DNAJC5: variants seen among roughly 807,000 people sequenced by gnomAD.
The protein encoded by DNAJC5 is dnaJ homolog subfamily C member 5.
A neutral mutation model predicts 23.2 loss-of-function variants in DNAJC5; 1 was observed. That is an observed-to-expected ratio of 0.04 (90% CI 0.02 to 0.20). The LOEUF (loss-of-function observed/expected upper bound fraction) is 0.20, where lower values mean the gene tolerates loss of function less well. Among genes scored for constraint, DNAJC5 ranks in the 10% least tolerant of loss-of-function variants. DNAJC5 has a pLI of 1.00. For missense variants in DNAJC5, 180 were observed against 267.0 expected, an observed-to-expected ratio of 0.67 and a Z score of 2.27; for synonymous variants, 136 against 120.0, an observed-to-expected ratio of 1.13 and a Z score of -0.87.
At chr20:63,925,560 A>G (rs140917664) in intron 1 of DNAJC5, among the ~76,000 whole-genome samples, 39 of 152,026 alleles carry the variant, frequency 2.6e-4, no homozygotes, top group African/African-American at 8.9e-4. Flanking sequence ...AAGTGTGGCA[A>G]ACAGGAAGGC....
In DNAJC5 at chr20:63,917,564, A is replaced by AT. The variant is rs1326087365; in HGVS notation, c.-11-10762dup. ...CACTGCATCCAGCCTTATTATTATT[A>AT]TTTTTTTTTGAGATGGAGTCTTGCT... is the stretch of plus-strand genomic sequence containing the variant. On this transcript the variant is annotated intron_variant, in intron 1 of 4. Transcript: ENST00000360864. Among the ~76,000 whole-genome samples the AT allele has an allele frequency of 1.2e-4, 16 of 136,926 alleles. No homozygotes were observed. In the Admixed American group the frequency reaches 1.2e-3, roughly 10 times the overall value. 89.8% of individuals were successfully genotyped at this position (136,926 alleles called of 152,430 possible).
At chr20:63,907,859 GGCTT>G (rs2053457490) in intron 1 of DNAJC5, among the ~76,000 whole-genome samples, 1 of 152,112 alleles carries the variant, frequency 6.6e-6, no homozygotes, top group Non-Finnish European at 1.5e-5. Context: ...TCTGCCTCCC[GGCTT>G]CAAGTGATTC....
At chr20:63,896,820 G>A (rs979788376) in intron 1 of DNAJC5, among the ~76,000 whole-genome samples, 1 of 152,144 alleles carries the variant, frequency 6.6e-6, no homozygotes, top group African/African-American at 2.4e-5. Context: ...ACATGATCGG[G>A]GCCCAGTAAA....
chr20:63,921,672 C>T (rs2053574116), intron 1 of DNAJC5, among the ~76,000 whole-genome samples: 1 of 152,130 alleles, frequency 6.6e-6, no homozygotes, highest in South Asian at 2.1e-4. Context: ...CTGATGGCAG[C>T]TCGTCACTTG....
rs115635115 is a variant in DNAJC5, at chr20:63,921,728, C to T, written c.-11-6607C>T. 4.1e-3 allele frequency among the ~76,000 whole-genome samples: 619 copies of T among 152,288 alleles called. 6 individuals carry two copies. The highest frequency in any genetic ancestry group is 0.012 in the African/African-American group (495 of 41,562). ...TGCTCGTGTAGCTGCGGCTGCACAC[C>T]AGGCCTCTCCTTTAACTGTGTTATA... On this transcript the variant is annotated intron_variant, in intron 1 of 4. Transcript: ENST00000360864.
At chr20:63,900,146 C>G (rs1393138153) in intron 1 of DNAJC5, among the ~76,000 whole-genome samples, 1 of 152,010 alleles carries the variant, frequency 6.6e-6, no homozygotes, top group Non-Finnish European at 1.5e-5. Flanking sequence ...ACTTTGGCCT[C>G]CCAAAGTGCT....
rs536658008 is a variant in DNAJC5 at position 63,901,666 on chromosome 20, G to T, written c.-12+6343G>T. On this transcript the variant is annotated intron_variant, in intron 1 of 4. Transcript: ENST00000360864. The stretch of plus-strand genomic sequence containing the variant: ...GCAGAGGGAGTGTGTGGAGTGTGCG[G>T]CCCTGCCTGGCTTTTATTTTGCTCC... Among the ~76,000 whole-genome samples, 6 of 152,350 alleles carry T rather than the reference G, an allele frequency of 3.9e-5. No homozygotes were observed. In the South Asian group the frequency reaches 1.0e-3, roughly 26 times the overall value.
chr20:63,927,393 G>C (rs1337572484), intron 1 of DNAJC5, among the ~76,000 whole-genome samples: 3 of 152,112 alleles, frequency 2.0e-5, no homozygotes, highest in African/African-American at 7.2e-5. Context: ...AAAATTAGCT[G>C]GGTGTGGTGG....
chr20:63,912,077 C>T (rs566335458), intron 1 of DNAJC5, among the ~76,000 whole-genome samples: 3 of 152,126 alleles, frequency 2.0e-5, no homozygotes, highest in South Asian at 4.1e-4. Context: ...CTGAGGTGGG[C>T]GGATCACTTG....
At chr20:63,925,956 T>G (rs2053611148) in intron 1 of DNAJC5, among the ~76,000 whole-genome samples, 1 of 151,564 alleles carries the variant, frequency 6.6e-6, no homozygotes, top group Admixed American at 6.6e-5. Flanking sequence ...GCCTCCCGAG[T>G]AGCTGGGACT....
In DNAJC5 at chr20:63,914,520, C is replaced by T. The variant is rs55832356; in HGVS notation, c.-11-13815C>T. On this transcript the variant is annotated intron_variant, in intron 1 of 4. Transcript: ENST00000360864. ...TTTTTGTAGAGACGGGGTTTCACGA[C>T]GTTACCCAGGATGGTCTCGATCTCC... 2.5e-3 allele frequency among the ~76,000 whole-genome samples: 385 copies of T among 151,872 alleles called. 2 individuals carry two copies. The highest frequency in any genetic ancestry group is 8.7e-3 in the African/African-American group (359 of 41,442).
intron 1 of DNAJC5, among the ~76,000 whole-genome samples, chr20:63,900,768 T>C (rs943589322): frequency 6.6e-5 from 10 of 152,172 alleles, no homozygotes; most frequent in Admixed American, 1.3e-4. Context: ...CTGAGTGACA[T>C]TTTTAAATTT....
chr20:63,899,759 T>A (rs546003410), intron 1 of DNAJC5, among the ~76,000 whole-genome samples: 1 of 151,954 alleles, frequency 6.6e-6, no homozygotes, highest in Non-Finnish European at 1.5e-5. Flanking sequence ...TTTTTTGTAT[T>A]TTTAGTAGAG....
At chr20:63,898,805 C>T (rs1338854839) in intron 1 of DNAJC5, among the ~76,000 whole-genome samples, 1 of 152,178 alleles carries the variant, frequency 6.6e-6, no homozygotes, top group African/African-American at 2.4e-5. Context: ...AGCACCACTG[C>T]ACTCCAGCCT....
rs1312468144 is a variant in DNAJC5 at position 63,931,410 on chromosome 20, T to G, written c.494-55T>G. 7 of 1,492,180 alleles carry G rather than the reference T, an allele frequency of 4.7e-6. No homozygotes were observed. The East Asian group carries it at 1.7e-4, about 37-fold the overall frequency. The allele number at this position is 1,492,180 out of a possible 1,614,324, so 92.4% of individuals were successfully genotyped here. Reference sequence around the variant, plus strand: ...GAAAGTCGCTCCACAGGACCAGCGTTGGGTGCGCGCCAGGCTGTGGCCCTC... The same window carrying G: ...GAAAGTCGCTCCACAGGACCAGCGTGGGGTGCGCGCCAGGCTGTGGCCCTC... On this transcript the variant is annotated intron_variant, in intron 4 of 4. Transcript: ENST00000360864. The surrounding 1 kb of genome is among the most constrained non-coding windows in gnomAD (Gnocchi z 9.6).
chr20:63,898,041 G>A (rs1223111970), intron 1 of DNAJC5, among the ~76,000 whole-genome samples: 6 of 152,188 alleles, frequency 3.9e-5, no homozygotes, highest in Non-Finnish European at 8.8e-5. Context: ...AGCTGCCTCC[G>A]TGACCAGCAC....
At chr20:63,898,553 GTGCT>G (rs1249113784) in intron 1 of DNAJC5, among the ~76,000 whole-genome samples, 2 of 152,070 alleles carry the variant, frequency 1.3e-5, no homozygotes, top group African/African-American at 2.4e-5. Flanking sequence ...GTTAGAATGA[GTGCT>G]TCTAGGCCGG....
chr20:63,907,237 T>C (rs529042126), intron 1 of DNAJC5, among the ~76,000 whole-genome samples: 1 of 152,348 alleles, frequency 6.6e-6, no homozygotes, highest in South Asian at 2.1e-4. Flanking sequence ...TCAGTTACGA[T>C]GTACGGTGCT....
At chr20:63,927,543 C>T (rs568900675) in intron 1 of DNAJC5, among the ~76,000 whole-genome samples, 3 of 146,588 alleles carry the variant, frequency 2.0e-5, no homozygotes, top group Admixed American at 6.8e-5. Context: ...TGTCCCCCCC[C>T]CCAAAAAAGA....
Sources: allele counts gnomAD v4.1 joint callset (sites outside exome capture counted in the v4.1 genomes callset), GRCh38; gene constraint gnomAD v4.1.1; non-coding constraint Gnocchi (gnomAD v3.1); transcripts MANE v1.5; gene names NCBI Gene and HGNC (gene_info 2026-07-23, HGNC 2026-07-21).